The following OSBPL10 variants were observed in gnomAD, a reference collection of about 807,000 sequenced individuals.
OSBPL10 encodes the protein oxysterol-binding protein-related protein 10.
In OSBPL10, 49 loss-of-function variants were observed where a neutral mutation model predicts 81.7. That is an observed-to-expected ratio of 0.60 (90% CI 0.48 to 0.76). The LOEUF (loss-of-function observed/expected upper bound fraction) is 0.76. Among genes scored for constraint, OSBPL10 ranks in the 30% least tolerant of loss-of-function variants. OSBPL10 has a pLI of 0.00. For synonymous variants in OSBPL10, 419 were observed against 383.6 expected (o/e 1.09, Z -1.08); for missense variants, 923 against 987.8 (o/e 0.93, Z 0.88).
At chr3:31,713,375 T>A (rs1343357698) in intron 6 of OSBPL10, among the ~76,000 whole-genome samples, 1 of 152,038 alleles carries the variant, frequency 6.6e-6, no homozygotes, top group Non-Finnish European at 1.5e-5. Flanking sequence ...TTCACTCAGA[T>A]CTTTTTTTAA....
At chr3:31,851,005 A>C (rs188872477) in intron 3 of OSBPL10, among the ~76,000 whole-genome samples, 84 of 152,364 alleles carry the variant, frequency 5.5e-4, no homozygotes, top group African/African-American at 2.0e-3. Flanking sequence ...GAACAACATG[A>C]CACTGGCTTC....
intron 4 of OSBPL10, among the ~76,000 whole-genome samples, chr3:31,782,133 T>C (rs1310333267): frequency 1.3e-5 from 2 of 151,852 alleles, no homozygotes; most frequent in Non-Finnish European, 2.9e-5. Context: ...AAATAGAGAA[T>C]CCAGAAATAA....
intron 1 of OSBPL10, among the ~76,000 whole-genome samples, chr3:31,889,909 A>G (rs1343016618): frequency 6.6e-6 from 1 of 152,182 alleles, no homozygotes; most frequent in Non-Finnish European, 1.5e-5. Context: ...TATGTAGCCC[A>G]TAAATATGTA....
At chr3:31,905,350 T>TTC in intron 1 of OSBPL10, among the ~76,000 whole-genome samples, 1 of 144,140 alleles carries the variant, frequency 6.9e-6, no homozygotes, top group East Asian at 2.2e-4. Flanking sequence ...TGGTGATTTT[T>TTC]TTTTTTTTTT....
chr3:31,911,155 G>C (rs769648593), intron 1 of OSBPL10, among the ~76,000 whole-genome samples: 1 of 152,192 alleles, frequency 6.6e-6, no homozygotes, highest in Non-Finnish European at 1.5e-5. Context: ...AGGGCCTACA[G>C]AGTTGCCAAA....
chr3:31,909,522 A>T (rs1294686671), intron 1 of OSBPL10, among the ~76,000 whole-genome samples: 1 of 152,212 alleles, frequency 6.6e-6, no homozygotes, highest in African/African-American at 2.4e-5. Flanking sequence ...AAAAGAAAGA[A>T]AGGGGGAGAG....
intron 6 of OSBPL10, chr3:31,714,824 C>T: frequency 6.5e-6 from 1 of 153,200 alleles, no homozygotes; most frequent in African/African-American, 2.4e-5. Context: ...TAGGGCCCTG[C>T]CAGCCTCCCA....
At chr3:32,031,734 G>A (rs370688520) in intron 2 of OSBPL10, among the ~76,000 whole-genome samples, 15 of 152,206 alleles carry the variant, frequency 9.9e-5, no homozygotes, top group South Asian at 2.1e-4. Context: ...GATTACAGGC[G>A]TAAGCCACCG....
chr3:31,727,838 T>G lies in OSBPL10; in HGVS notation c.1095+5419A>C, dbSNP rs375093709. Among the ~76,000 whole-genome samples the G allele has an allele frequency of 2.0e-3, 299 of 152,192 alleles. 1 individual carries two copies. Among genetic ancestry groups the G allele is most frequent in the African/African-American group, 6.9e-3 (287 of 41,542 alleles). ...TTTATGTATCATGGGGATGAAAAAT[T>G]TAAAAAAATGATAAAAATGTGTTGA... On this transcript the variant is annotated intron_variant, in intron 6 of 11. Coordinates refer to ENST00000396556, the MANE Select transcript of OSBPL10 (RefSeq NM_017784.5).
chr3:31,662,900 G>A (rs998520246), intron 11 of OSBPL10: 204 of 985,458 alleles, frequency 2.1e-4, no homozygotes, highest in Admixed American at 1.7e-3. Flanking sequence ...CCTCACCTGG[G>A]CAGGGCTCCC....
chr3:32,058,364 TCTGTCACCCAGG>T (rs1406070412), intron 1 of OSBPL10, among the ~76,000 whole-genome samples: 5 of 152,172 alleles, frequency 3.3e-5, no homozygotes, highest in African/African-American at 1.2e-4. Context: ...AGAGTTTTGC[TCTGTCACCCAGG>T]CTGGAGTGAG....
At chr3:31,792,649 C>T (rs1699046243) in intron 4 of OSBPL10, among the ~76,000 whole-genome samples, 1 of 151,506 alleles carries the variant, frequency 6.6e-6, no homozygotes, top group Admixed American at 6.6e-5. Context: ...TATCCAGACA[C>T]ACTGTGTGTG....
intron 8 of OSBPL10, among the ~76,000 whole-genome samples, chr3:31,675,998 C>T (rs149064270): frequency 4.0e-5 from 6 of 150,422 alleles, no homozygotes; most frequent in African/African-American, 1.5e-4. Context: ...ATAGGCTATA[C>T]CTGTGAGGGA....
intron 3 of OSBPL10, among the ~76,000 whole-genome samples, chr3:31,854,732 C>G (rs2125583671): frequency 6.6e-6 from 1 of 152,326 alleles, no homozygotes; most frequent in African/African-American, 2.4e-5. Flanking sequence ...CCTCTGTTCT[C>G]TCCTTCCCCA....
At chr3:31,678,690 G>A (rs752071174) in intron 8 of OSBPL10, among the ~76,000 whole-genome samples, 1 of 151,956 alleles carries the variant, frequency 6.6e-6, no homozygotes, top group African/African-American at 2.4e-5. Flanking sequence ...CTTGACAAGC[G>A]GCAACAAGCA....
chr3:31,725,396 C>A (rs1005630412), intron 6 of OSBPL10, among the ~76,000 whole-genome samples: 3 of 152,178 alleles, frequency 2.0e-5, no homozygotes, highest in African/African-American at 4.8e-5. Context: ...ACTTTCCCCC[C>A]AGACCAACAA....
At chr3:31,853,892 A>G (rs1226466832) in intron 3 of OSBPL10, among the ~76,000 whole-genome samples, 1 of 152,226 alleles carries the variant, frequency 6.6e-6, no homozygotes, top group South Asian at 2.1e-4. Flanking sequence ...CAGATATGCA[A>G]CCTAAGGCAG....
In OSBPL10 at chr3:31,796,147, G is replaced by A. The variant is rs192273396; in HGVS notation, c.729+33893C>T. On this transcript the variant is annotated intron_variant, in intron 4 of 11. Transcript: ENST00000396556. ...TGAAGCCATTCTCTCCTTCAGCATC[G>A]AAGAACTCACAGTAGAAAGGCCTTA... The A allele has an allele frequency of 2.9e-3, 526 of 184,378 alleles. 7 individuals are homozygous for A. The highest frequency in any genetic ancestry group is 0.025 in the South Asian group (177 of 7,094). 11.4% of individuals were successfully genotyped at this position (184,378 alleles called of 1,614,324 possible). A position where few individuals can be genotyped will look rare whatever the true frequency, so the allele number is the denominator to read the frequency against.
chr3:31,792,546 T>G (rs980196211), intron 4 of OSBPL10, among the ~76,000 whole-genome samples: 2 of 150,760 alleles, frequency 1.3e-5, no homozygotes, highest in African/African-American at 4.9e-5. Flanking sequence ...CGGAGGGGGG[T>G]GGTGGTTAAA....
Sources: allele counts gnomAD v4.1 joint callset (sites outside exome capture counted in the v4.1 genomes callset), GRCh38; gene constraint gnomAD v4.1.1; transcripts MANE v1.5; gene names NCBI Gene and HGNC (gene_info 2026-07-23, HGNC 2026-07-21).